The following ZCCHC7 variants were observed in gnomAD, a reference collection of about 807,000 sequenced individuals.
ZCCHC7 encodes zinc finger CCHC domain-containing protein 7.
ZCCHC7 carries 35 observed loss-of-function variants against 52.0 expected under a neutral mutation model. That is an observed-to-expected ratio of 0.67 (90% CI 0.51 to 0.89). ZCCHC7 has a LOEUF of 0.89. Ranked by LOEUF, ZCCHC7 falls within the 40% of genes least tolerant of loss-of-function variation. The probability of loss-of-function intolerance (pLI) is 0.00; values close to 1 mark genes in which losing one functional copy is unlikely to be tolerated. For synonymous variants in ZCCHC7, 217 were observed against 221.5 expected, an observed-to-expected ratio of 0.98 and a Z score of 0.18; for missense variants, 574 against 649.1, an observed-to-expected ratio of 0.88 and a Z score of 1.26.
At chr9:37,245,476 A>G (rs1007570419) in intron 2 of ZCCHC7, among the ~76,000 whole-genome samples, 1 of 152,018 alleles carries the variant, frequency 6.6e-6, no homozygotes, top group Non-Finnish European at 1.5e-5. Context: ...ATTCAATCCA[A>G]CAAACTATTG....
At chr9:37,177,080 G>A (rs965002934) in intron 2 of ZCCHC7, among the ~76,000 whole-genome samples, 2 of 152,116 alleles carry the variant, frequency 1.3e-5, no homozygotes, top group South Asian at 2.1e-4. Context: ...GGTGGCTTAC[G>A]CCTGTAATCC....
chr9:37,152,043 A>G lies in ZCCHC7; in HGVS notation c.610+25101A>G, dbSNP rs535355316. Among the ~76,000 whole-genome samples, 8 of 152,286 alleles carry G rather than the reference A, an allele frequency of 5.3e-5. 1 individual carries two copies. Among genetic ancestry groups the G allele is most frequent in the African/African-American group, 1.9e-4 (8 of 41,562 alleles). ...AACAGTTTTCTAATCTGATCTGGCAACCTGGGCTTCAGTAAGGGCAGACTA... is the reference window on the plus strand; with the variant it reads ...AACAGTTTTCTAATCTGATCTGGCAGCCTGGGCTTCAGTAAGGGCAGACTA... On this transcript the variant is annotated intron_variant, in intron 2 of 8. Transcript: ENST00000336755.
intron 2 of ZCCHC7, among the ~76,000 whole-genome samples, chr9:37,281,294 G>T (rs1453763105): frequency 1.3e-5 from 2 of 152,144 alleles, no homozygotes; most frequent in Non-Finnish European, 2.9e-5. Context: ...GGGATTACAG[G>T]CATGAGCCAC....
At chr9:37,261,311 G>GT (rs2133446165) in intron 2 of ZCCHC7, among the ~76,000 whole-genome samples, 1 of 152,262 alleles carries the variant, frequency 6.6e-6, no homozygotes, top group East Asian at 1.9e-4. Flanking sequence ...AACAAGCAAT[G>GT]TATATGAAAG....
intron 2 of ZCCHC7, among the ~76,000 whole-genome samples, chr9:37,265,741 G>A (rs1202195177): frequency 1.3e-5 from 2 of 151,946 alleles, no homozygotes; most frequent in East Asian, 1.9e-4. Context: ...GTTTTCCAGC[G>A]ACCATTTTCC....
At chr9:37,327,746 C>T (rs1830306932) in intron 5 of ZCCHC7, 53 bp from the exon 6 acceptor site, 2 of 1,605,460 alleles carry the variant, frequency 1.2e-6, no homozygotes, top group Non-Finnish European at 1.7e-6. Flanking sequence ...AACCAACAGG[C>T]TGTAAAGTAC....
chr9:37,133,393 G>A (rs1208989059), intron 2 of ZCCHC7, among the ~76,000 whole-genome samples: 2 of 78,618 alleles, frequency 2.5e-5, no homozygotes, highest in African/African-American at 1.0e-4. Flanking sequence ...TTTTTTTTTT[G>A]AGACACAGTC....
At chr9:37,167,700 A>C (rs991476227) in intron 2 of ZCCHC7, among the ~76,000 whole-genome samples, 3 of 152,216 alleles carry the variant, frequency 2.0e-5, no homozygotes, top group African/African-American at 7.2e-5. Flanking sequence ...TTAAATTACC[A>C]AGAAATGGCT....
chr9:37,151,262 G>A (rs1416033315), intron 2 of ZCCHC7, among the ~76,000 whole-genome samples: 6 of 151,926 alleles, frequency 3.9e-5, no homozygotes, highest in Non-Finnish European at 8.8e-5. Flanking sequence ...CACCGTGCCC[G>A]ACCGATTTAT....
At chr9:37,192,042 G>C (rs970951800) in intron 2 of ZCCHC7, among the ~76,000 whole-genome samples, 1 of 152,238 alleles carries the variant, frequency 6.6e-6, no homozygotes, top group Non-Finnish European at 1.5e-5. Flanking sequence ...TAATTTGACA[G>C]TAGTGGTCTC....
intron 2 of ZCCHC7, among the ~76,000 whole-genome samples, chr9:37,297,102 A>G (rs1257060300): frequency 6.6e-6 from 1 of 152,178 alleles, no homozygotes; most frequent in African/African-American, 2.4e-5. Context: ...ATCATAAATT[A>G]ATTTGTTATA....
Position 37,206,093 on chromosome 9 carries a change from A to G in ZCCHC7, c.610+79151A>G, listed in dbSNP as rs796905538. On this transcript the variant is annotated intron_variant, in intron 2 of 8. Transcript: ENST00000336755. ...CTTGCTATCTTTTCTGCCATTTTTT[A>G]GTTCTTTTATTTTTAACAGATATAT... Among the ~76,000 whole-genome samples, 6 of 151,930 alleles carry G rather than the reference A, an allele frequency of 3.9e-5. No individual in the cohort carries two copies. In the South Asian group the frequency reaches 1.2e-3, roughly 31 times the overall value.
rs551390893 is a variant in ZCCHC7, at chr9:37,274,006, G to A, written c.611-28182G>A. On this transcript the variant is annotated intron_variant, in intron 2 of 8. Coordinates refer to ENST00000336755, the MANE Select transcript of ZCCHC7 (RefSeq NM_032226.3). The stretch of plus-strand genomic sequence containing the variant: ...TGGAAATAATTTCAAATTTTAAAAA[G>A]TTGCAAAAATAAAAATGGTACTCTT... Among the ~76,000 whole-genome samples the A allele has an allele frequency of 2.6e-5, 4 of 152,130 alleles. No individual in the cohort carries two copies. In the South Asian group the frequency reaches 8.3e-4, roughly 32 times the overall value.
At chr9:37,257,281 C>A (rs1402068038) in intron 2 of ZCCHC7, among the ~76,000 whole-genome samples, 1 of 152,130 alleles carries the variant, frequency 6.6e-6, no homozygotes, top group Middle Eastern at 3.2e-3. Flanking sequence ...GGGCAGGATA[C>A]CTTTTGTCTT....
At chr9:37,237,404 C>T (rs906808000) in intron 2 of ZCCHC7, among the ~76,000 whole-genome samples, 4 of 151,882 alleles carry the variant, frequency 2.6e-5, no homozygotes, top group Non-Finnish European at 5.9e-5. Flanking sequence ...TGATCCTCTT[C>T]TCATGTTTCA....
intron 5 of ZCCHC7, among the ~76,000 whole-genome samples, chr9:37,311,171 A>G (rs1266585136): frequency 2.6e-5 from 4 of 152,118 alleles, no homozygotes; most frequent in Non-Finnish European, 5.9e-5. Context: ...AGCTTCAGCA[A>G]TCTTTATTAA....
intron 2 of ZCCHC7, among the ~76,000 whole-genome samples, chr9:37,162,371 C>G (rs1403105922): frequency 6.6e-6 from 1 of 152,094 alleles, no homozygotes; most frequent in South Asian, 2.1e-4. Flanking sequence ...CCTCATGTTC[C>G]TTTGTGATCT....
At chr9:37,259,446 A>G (rs1040309268) in intron 2 of ZCCHC7, among the ~76,000 whole-genome samples, 2 of 152,152 alleles carry the variant, frequency 1.3e-5, no homozygotes, top group African/African-American at 2.4e-5. Flanking sequence ...AATTTATATA[A>G]TTGGAAGTAA....
At chr9:37,182,795 G>T (rs753254991) in intron 2 of ZCCHC7, among the ~76,000 whole-genome samples, 1 of 152,166 alleles carries the variant, frequency 6.6e-6, no homozygotes, top group Non-Finnish European at 1.5e-5. Flanking sequence ...ATCCTTTAAG[G>T]TACATGGTGG....
Sources: gnomAD v4.1 joint callset for allele counts (sites outside exome capture counted in the v4.1 genomes callset) on GRCh38, gnomAD v4.1.1 for gene constraint, MANE v1.5 for transcripts, NCBI Gene and HGNC (gene_info 2026-07-23, HGNC 2026-07-21) for gene names.